The following LSAMP variants were observed in gnomAD, a reference collection of about 807,000 sequenced individuals.
LSAMP encodes limbic system associated membrane protein.
LSAMP carries 7 observed loss-of-function variants against 38.6 expected under a neutral mutation model. The observed-to-expected ratio is 0.18, with a 90% CI of 0.10 to 0.34. LSAMP has a LOEUF of 0.34. Ranked by LOEUF, LSAMP falls within the 10% of genes least tolerant of loss-of-function variation. The pLI, the probability that LSAMP is intolerant of heterozygous loss-of-function variation, is 1.00. For synonymous variants in LSAMP, 154 were observed against 166.8 expected (o/e 0.92, Z 0.59); for missense variants, 313 against 420.0 (o/e 0.75, Z 2.23).
chr3:116,213,200 T>C (rs767053394), intron 1 of LSAMP, among the ~76,000 whole-genome samples: 8 of 152,190 alleles, frequency 5.3e-5, no homozygotes, highest in Non-Finnish European at 8.8e-5. Context: ...AGTTGTGATA[T>C]GGTTTGGTTG....
chr3:116,090,195 G>C (rs1708088402), intron 1 of LSAMP, among the ~76,000 whole-genome samples: 1 of 144,344 alleles, frequency 6.9e-6, no homozygotes, highest in Admixed American at 7.0e-5. Flanking sequence ...AGCCTGGCCA[G>C]AGTGAGACCT....
chr3:116,056,510 TAGTAGAA>T (rs1941493047), intron 2 of LSAMP, among the ~76,000 whole-genome samples: 1 of 152,126 alleles, frequency 6.6e-6, no homozygotes, highest in South Asian at 2.1e-4. Flanking sequence ...TACTTATTAT[TAGTAGAA>T]AGTAGAAAGC....
chr3:116,378,496 A>T (rs1444215409), intron 1 of LSAMP, among the ~76,000 whole-genome samples: 2 of 152,106 alleles, frequency 1.3e-5, no homozygotes, highest in Non-Finnish European at 2.9e-5. Context: ...TTAATATTAT[A>T]CATTTGTAGT....
intron 1 of LSAMP, among the ~76,000 whole-genome samples, chr3:116,217,593 C>T (rs1399045356): frequency 1.3e-5 from 2 of 152,200 alleles, no homozygotes; most frequent in Non-Finnish European, 2.9e-5. Context: ...TTGCAGTTTT[C>T]TCTTCACTTA....
intron 3 of LSAMP, among the ~76,000 whole-genome samples, chr3:115,978,248 G>T (rs1412358152): frequency 1.3e-5 from 2 of 152,104 alleles, no homozygotes; most frequent in African/African-American, 4.8e-5. Flanking sequence ...AAAAAGAAAA[G>T]TAAAGGACAA....
intron 1 of LSAMP, among the ~76,000 whole-genome samples, chr3:116,258,045 T>G (rs892785828): frequency 6.6e-6 from 1 of 152,090 alleles, no homozygotes; most frequent in Non-Finnish European, 1.5e-5. Context: ...TTAAAACTGA[T>G]CCTCATTGAT....
intron 3 of LSAMP, among the ~76,000 whole-genome samples, chr3:115,876,278 CT>C (rs58536199): frequency 0.079 from 9,751 of 123,104 alleles, 605 homozygotes; most frequent in African/African-American, 0.19. Context: ...AAGGAAAAAG[CT>C]TTTTTTTTTT....
At chr3:116,366,946 T>C (rs1402809681) in intron 1 of LSAMP, among the ~76,000 whole-genome samples, 1 of 152,092 alleles carries the variant, frequency 6.6e-6, no homozygotes, top group East Asian at 1.9e-4. Flanking sequence ...TAGGGAAGGG[T>C]GGATTTATGT....
intron 1 of LSAMP, among the ~76,000 whole-genome samples, chr3:116,444,392 AACACACACACAC>A (rs202044043): frequency 6.9e-6 from 1 of 144,248 alleles, no homozygotes; most frequent in Non-Finnish European, 1.5e-5. Flanking sequence ...TGGCATGAAA[AACACACACACAC>A]ACACACAGAC....
chr3:116,350,625 C>CT (rs111826016), intron 1 of LSAMP, among the ~76,000 whole-genome samples: 18,057 of 135,974 alleles, frequency 0.13, 1,519 homozygotes, highest in African/African-American at 0.29. Context: ...GTCAAGGAAC[C>CT]TTTTTTTTTT....
intron 1 of LSAMP, chr3:116,359,877 A>T (rs1004596072): frequency 1.3e-5 from 2 of 152,220 alleles, no homozygotes; most frequent in African/African-American, 4.8e-5. Flanking sequence ...TAAAAATCCT[A>T]TAAGAAAATC....
intron 1 of LSAMP, among the ~76,000 whole-genome samples, chr3:116,377,539 A>G (rs2048509416): frequency 6.6e-6 from 1 of 152,078 alleles, no homozygotes; most frequent in Non-Finnish European, 1.5e-5. Flanking sequence ...TGCAATAAAC[A>G]TACACATGCA....
intron 4 of LSAMP, among the ~76,000 whole-genome samples, chr3:115,851,189 G>A (rs988991504): frequency 6.6e-6 from 1 of 152,142 alleles, no homozygotes; most frequent in Non-Finnish European, 1.5e-5. Context: ...GGCCAGGCTT[G>A]TCTCGAACTC....
intron 3 of LSAMP, among the ~76,000 whole-genome samples, chr3:115,860,324 C>T (rs1405719192): frequency 6.6e-6 from 1 of 152,188 alleles, no homozygotes; most frequent in African/African-American, 2.4e-5. Flanking sequence ...GAGCTTTGAC[C>T]CAGGTCTGTG....
chr3:115,927,573 G>T (rs887229116), intron 3 of LSAMP, among the ~76,000 whole-genome samples: 1 of 152,124 alleles, frequency 6.6e-6, no homozygotes. Context: ...TTGATGGAAA[G>T]GTTCTGCATT....
intron 2 of LSAMP, among the ~76,000 whole-genome samples, chr3:116,049,824 A>G (rs1392918803): frequency 1.3e-5 from 2 of 152,212 alleles, no homozygotes; most frequent in Admixed American, 6.5e-5. Flanking sequence ...ATCAAAACAG[A>G]CACGCAAGAT....
At chr3:115,818,714 C>T (rs1214516706) in intron 6 of LSAMP, among the ~76,000 whole-genome samples, 1 of 140,182 alleles carries the variant, frequency 7.1e-6, no homozygotes, top group Non-Finnish European at 1.5e-5. Context: ...TAAGTCATGG[C>T]ATTGCAAGTC....
chr3:116,173,495 A>G (rs1048863261), intron 1 of LSAMP, among the ~76,000 whole-genome samples: 2 of 152,024 alleles, frequency 1.3e-5, no homozygotes, highest in Admixed American at 1.3e-4. Context: ...TCAGGAGTTA[A>G]AAAATGTGTA....
At chr3:115,848,388 C>A (rs1447465696) in intron 4 of LSAMP, among the ~76,000 whole-genome samples, 1 of 152,170 alleles carries the variant, frequency 6.6e-6, no homozygotes, top group Non-Finnish European at 1.5e-5. Context: ...TGGGCCACCG[C>A]ACTCCAGCCT....
Sources: gnomAD v4.1 joint callset for allele counts (sites outside exome capture counted in the v4.1 genomes callset) on GRCh38, gnomAD v4.1.1 for gene constraint, MANE v1.5 for transcripts, NCBI Gene and HGNC (gene_info 2026-07-23, HGNC 2026-07-21) for gene names.